ROBO1: variants seen among roughly 807,000 people sequenced by gnomAD.
ROBO1 encodes roundabout homolog 1.
In ROBO1, 149 loss-of-function variants were observed where a neutral mutation model predicts 195.9. The observed-to-expected ratio is 0.76, with a 90% CI of 0.67 to 0.87. The LOEUF (loss-of-function observed/expected upper bound fraction) is 0.87, where lower values mean the gene tolerates loss of function less well. ROBO1 is among the 40% of genes least tolerant of loss of function. The pLI is 0.00. For missense variants in ROBO1, 1,933 were observed against 2,068.3 expected, an observed-to-expected ratio of 0.93 and a Z score of 1.27; for synonymous variants, 816 against 733.2, an observed-to-expected ratio of 1.11 and a Z score of -1.82.
intron 2 of ROBO1, among the ~76,000 whole-genome samples, chr3:79,312,661 G>T (rs1174803361): frequency 1.3e-5 from 2 of 152,104 alleles, no homozygotes; most frequent in African/African-American, 4.8e-5. Flanking sequence ...TCTGAACTTG[G>T]AGTAGGAGTA....
intron 3 of ROBO1, chr3:79,019,517 G>A: frequency 1.0e-6 from 1 of 985,972 alleles, no homozygotes; most frequent in Non-Finnish European, 1.2e-6. Context: ...CTCCTCCCCG[G>A]CCCGATAATA....
Position 78,617,963 on chromosome 3 carries a change from CA to C in ROBO1, c.3953del (p.Leu1318ArgfsTer21), listed in dbSNP as rs1704227010. On this transcript the variant is annotated frameshift_variant, in exon 27 of 31. Coordinates refer to ENST00000464233, the MANE Select transcript of ROBO1 (RefSeq NM_002941.4). LOFTEE classifies it high-confidence loss of function. The stretch of plus-strand genomic sequence containing the variant: ...GCGCATCCGTATCCATATCTGAGAC[CA>C]GGGGTCCTGAAATGTAGCCATAGGT... ...PHTYGYISGP[L>X]VSDMDTDAPE... 3 of 1,613,938 alleles carry C rather than the reference CA, an allele frequency of 1.9e-6. No individual in the cohort carries two copies. Among genetic ancestry groups the C allele is most frequent in the Non-Finnish European group, 2.5e-6 (3 of 1,179,870 alleles).
At chr3:79,246,716 A>G (rs1442533699) in intron 2 of ROBO1, among the ~76,000 whole-genome samples, 2 of 152,072 alleles carry the variant, frequency 1.3e-5, no homozygotes, top group African/African-American at 4.8e-5. Context: ...AAATAACAGT[A>G]TGTTATATAT....
At chr3:79,115,087 A>G (rs2079967776) in intron 3 of ROBO1, among the ~76,000 whole-genome samples, 1 of 152,192 alleles carries the variant, frequency 6.6e-6, no homozygotes, top group South Asian at 2.1e-4. Context: ...GGAATGATTG[A>G]GCCTCTGATC....
intron 1 of ROBO1, among the ~76,000 whole-genome samples, chr3:79,703,137 C>A (rs545208364): frequency 1.3e-5 from 2 of 151,954 alleles, no homozygotes; most frequent in African/African-American, 4.8e-5. Context: ...AATAGTTGTG[C>A]CCTATTAGCA....
intron 3 of ROBO1, among the ~76,000 whole-genome samples, chr3:79,047,629 T>C (rs997125061): frequency 1.3e-5 from 2 of 152,112 alleles, no homozygotes; most frequent in Non-Finnish European, 2.9e-5. Flanking sequence ...CGTTTTGGGG[T>C]AATTTGTTAC....
chr3:79,668,383 A>G lies in ROBO1; in HGVS notation c.-50-78422T>C, dbSNP rs554944527. Among the ~76,000 whole-genome samples the G allele has an allele frequency of 1.6e-4, 24 of 149,022 alleles. No individual in the cohort carries two copies. In the South Asian group the frequency reaches 4.9e-3, roughly 31 times the overall value. ...TAACTCAGTATTTTTATAAATTAAT[A>G]TTAAGTTTCTTGACTAGATTATAAA... On this transcript the variant is annotated intron_variant, in intron 1 of 30. Coordinates refer to ENST00000464233, the MANE Select transcript of ROBO1 (RefSeq NM_002941.4).
At chr3:79,303,307 A>C (rs1471320557) in intron 2 of ROBO1, among the ~76,000 whole-genome samples, 1 of 151,804 alleles carries the variant, frequency 6.6e-6, no homozygotes, top group East Asian at 1.9e-4. Context: ...GCTAGAACTA[A>C]GGCATGCGCC....
chr3:79,640,726 T>A (rs1285242531), intron 1 of ROBO1, among the ~76,000 whole-genome samples: 1 of 152,198 alleles, frequency 6.6e-6, no homozygotes, highest in Non-Finnish European at 1.5e-5. Flanking sequence ...GGTGGTTATT[T>A]CTATGAATAG....
At chr3:79,351,614 A>T (rs1235136079) in intron 2 of ROBO1, among the ~76,000 whole-genome samples, 1 of 152,148 alleles carries the variant, frequency 6.6e-6, no homozygotes, top group East Asian at 1.9e-4. Flanking sequence ...CTTTGCCTAT[A>T]AGATTTTTAG....
chr3:78,651,620 A>T, intron 19 of ROBO1, 112 bp downstream of exon 19: 1 of 791,032 alleles, frequency 1.3e-6, no homozygotes, highest in Non-Finnish European at 1.9e-6. Context: ...AAATCTTTAT[A>T]TATTAAAACA....
chr3:79,643,503 T>C (rs1043259039), intron 1 of ROBO1, among the ~76,000 whole-genome samples: 19 of 152,142 alleles, frequency 1.2e-4, no homozygotes, highest in African/African-American at 3.4e-4. Flanking sequence ...AATTAAAAGA[T>C]AGGCAATAAA....
chr3:79,061,509 TTCATATGGAA>T (rs2078916852), intron 3 of ROBO1, among the ~76,000 whole-genome samples: 1 of 152,140 alleles, frequency 6.6e-6, no homozygotes, highest in Admixed American at 6.6e-5. Context: ...TACTTTAAAG[TTCATATGGAA>T]TCAAGAAAGA....
intron 3 of ROBO1, among the ~76,000 whole-genome samples, chr3:79,056,849 T>C (rs1299152441): frequency 1.3e-5 from 2 of 152,076 alleles, no homozygotes; most frequent in Non-Finnish European, 2.9e-5. Context: ...GTTTTCTTCC[T>C]CATTCTGTGT....
chr3:79,551,353 C>T (rs1298501682), intron 2 of ROBO1, among the ~76,000 whole-genome samples: 1 of 150,578 alleles, frequency 6.6e-6, no homozygotes, highest in Non-Finnish European at 1.5e-5. Flanking sequence ...CACCCCACAA[C>T]TATCACAAGG....
In ROBO1 at chr3:79,733,862, T is replaced by C. The variant is rs537959328; in HGVS notation, c.-51+33890A>G. On this transcript the variant is annotated intron_variant, in intron 1 of 30. Transcript: ENST00000464233. ...TATGTTGTTCTCACATATGCCAAATTCTTAGACATTTTCCCCCTTACATAA... is the reference window on the plus strand; with the variant it reads ...TATGTTGTTCTCACATATGCCAAATCCTTAGACATTTTCCCCCTTACATAA... Among the ~76,000 whole-genome samples the C allele has an allele frequency of 4.6e-5, 7 of 152,296 alleles. No individual in the cohort carries two copies. The South Asian group carries it at 1.4e-3, about 32-fold the overall frequency.
chr3:78,755,695 C>T (rs2082912071), intron 4 of ROBO1, among the ~76,000 whole-genome samples: 2 of 152,240 alleles, frequency 1.3e-5, no homozygotes, highest in African/African-American at 4.8e-5. Context: ...GGTTTCTAAT[C>T]TGAGTAACTG....
intron 2 of ROBO1, among the ~76,000 whole-genome samples, chr3:79,496,833 G>T (rs191715825): frequency 1.3e-5 from 2 of 149,150 alleles, no homozygotes; most frequent in African/African-American, 2.4e-5. Flanking sequence ...GGGAATTAAA[G>T]TATACTATCA....
At chr3:79,744,371 C>G (rs1332775140) in intron 1 of ROBO1, among the ~76,000 whole-genome samples, 2 of 152,070 alleles carry the variant, frequency 1.3e-5, no homozygotes, top group Admixed American at 1.3e-4. Context: ...GAAATAAACC[C>G]TATTGCAATG....
Sources: allele counts gnomAD v4.1 joint callset (sites outside exome capture counted in the v4.1 genomes callset), GRCh38; gene constraint gnomAD v4.1.1; transcripts MANE v1.5; gene names NCBI Gene and HGNC (gene_info 2026-07-23, HGNC 2026-07-21).